The following DOP1B variants were observed in gnomAD, a reference collection of about 807,000 sequenced individuals.
The protein encoded by DOP1B is protein DOP1B.
DOP1B carries 174 observed loss-of-function variants against 233.5 expected under a neutral mutation model. The ratio of observed to expected loss-of-function variants is 0.75; its 90% confidence interval spans 0.66 to 0.85. The LOEUF is 0.85. Ranked by LOEUF, DOP1B falls within the 40% of genes least tolerant of loss-of-function variation. The pLI is 0.00. For synonymous variants in DOP1B, 1,190 were observed against 1,185.6 expected, an observed-to-expected ratio of 1.00 and a Z score of -0.08; for missense variants, 2,652 against 2,846.6, an observed-to-expected ratio of 0.93 and a Z score of 1.56.
chr21:36,212,696 A>G (rs927734568), intron 7 of DOP1B, among the ~76,000 whole-genome samples: 2 of 152,238 alleles, frequency 1.3e-5, no homozygotes, highest in South Asian at 2.1e-4. Context: ...TGAATTTTCT[A>G]AAGTCCCATA....
In DOP1B at chr21:36,164,888, C is replaced by T. The variant is rs751478288; in HGVS notation, c.138+17C>T. 2.6e-6 allele frequency: 4 copies of T among 1,514,918 alleles called. No homozygotes were observed. The South Asian group carries it at 4.2e-5, about 16-fold the overall frequency. 93.8% of individuals were successfully genotyped at this position (1,514,918 alleles called of 1,614,324 possible). A position where few individuals can be genotyped will look rare whatever the true frequency, so the allele number is the denominator to read the frequency against. ...CTCAACAAGGTATGTAGGGTGTATC[C>T]TATTTGGATTGCATGGAGGTGGGGA... On this transcript the variant is annotated intron_variant, in intron 2 of 36. Transcript: ENST00000691173.
At position 36,292,101 on chromosome 21, in the gene DOP1B, C is replaced by A. The variant is rs1412119584; in HGVS notation, c.6516-3C>A. The A allele has an allele frequency of 3.8e-6, 6 of 1,590,668 alleles. No homozygotes were observed. Among genetic ancestry groups the A allele is most frequent in the Non-Finnish European group, 4.3e-6 (5 of 1,173,498 alleles). ...GACCTGACCTTCTGTTTGTTCCCTG[C>A]AGTTATAGGTGGGCATTTATTCCAG... is the stretch of plus-strand genomic sequence containing the variant. On this transcript the variant is annotated splice_region_variant and splice_polypyrimidine_tract_variant and intron_variant, in intron 35 of 36. Transcript: ENST00000691173.
intron 2 of DOP1B, among the ~76,000 whole-genome samples, chr21:36,173,547 G>A (rs1177524703): frequency 1.3e-5 from 2 of 150,676 alleles, no homozygotes; most frequent in African/African-American, 4.9e-5. Flanking sequence ...TCAGCCTCCC[G>A]AGTAGCTGGG....
In DOP1B at chr21:36,245,826, C is replaced by T. The variant is rs754084399; in HGVS notation, c.3846C>T (p.Leu1282=). Residue 1282 remains leucine, a synonymous_variant, in exon 19 of 37, where the codon CTC becomes CTT. Coordinates refer to ENST00000691173, the MANE Select transcript of DOP1B (RefSeq NM_001320714.2). This position sits in a 1 kb window ranked among gnomAD's most constrained non-coding sequence, Gnocchi z 5.5. ...ACCTCAACCTCATCTCCAACCTCCT[C>T]GCTCGCCACCAGGAGGCCCTCATTG... ...TAHLNLISNL[L]ARHQEALIGQ... The T allele has an allele frequency of 1.7e-5, 28 of 1,613,816 alleles. No homozygotes were observed. Among genetic ancestry groups the T allele is most frequent in the South Asian group, 1.1e-4 (10 of 91,078 alleles).
Position 36,213,005 on chromosome 21 carries a change from C to T in DOP1B, c.904+908C>T, listed in dbSNP as rs551976645. Among the ~76,000 whole-genome samples the T allele has an allele frequency of 4.6e-5, 7 of 152,304 alleles. No individual in the cohort carries two copies. In the East Asian group the frequency reaches 1.4e-3, roughly 29 times the overall value. The stretch of plus-strand genomic sequence containing the variant: ...CCCTGTTGGCCAGGCTGATCTTGGA[C>T]TCTTGACCTCAGGTGATCTGCCCAC... On this transcript the variant is annotated intron_variant, in intron 7 of 36. Coordinates refer to ENST00000691173, the MANE Select transcript of DOP1B (RefSeq NM_001320714.2).
intron 4 of DOP1B, among the ~76,000 whole-genome samples, chr21:36,202,675 C>T (rs1288274426): frequency 6.6e-6 from 1 of 152,244 alleles, no homozygotes; most frequent in Non-Finnish European, 1.5e-5. Flanking sequence ...CAAGCTCTCA[C>T]ATAGACCAGG....
intron 27 of DOP1B, among the ~76,000 whole-genome samples, chr21:36,272,649 C>CAAA (rs1048479594): frequency 1.7e-5 from 1 of 58,712 alleles, no homozygotes; most frequent in Non-Finnish European, 3.4e-5. Context: ...AACTCCATCT[C>CAAA]AAAAAAAAAA....
At chr21:36,175,817 A>G (rs192820351) in intron 2 of DOP1B, 1 of 152,764 alleles carries the variant, frequency 6.5e-6, no homozygotes, top group Admixed American at 6.5e-5. Flanking sequence ...AAAGAAAAAG[A>G]AAAAGAACCT....
intron 1 of DOP1B, among the ~76,000 whole-genome samples, chr21:36,161,826 T>C (rs2065871927): frequency 6.6e-6 from 1 of 152,228 alleles, no homozygotes; most frequent in Non-Finnish European, 1.5e-5. Flanking sequence ...GATTTGCCTG[T>C]GGAGGGCATT....
At chr21:36,260,526 G>A in intron 23 of DOP1B, 151 bp from the exon 24 acceptor site, 1 of 954,702 alleles carries the variant, frequency 1.0e-6, no homozygotes, top group Non-Finnish European at 1.6e-6. Context: ...TGTACATGAT[G>A]GGCACTATCA....
intron 1 of DOP1B, among the ~76,000 whole-genome samples, chr21:36,157,800 C>T (rs538679492): frequency 6.6e-6 from 1 of 152,270 alleles, no homozygotes; most frequent in South Asian, 2.1e-4. Context: ...TAGTACATAT[C>T]TGTTATCTGT....
intron 11 of DOP1B, among the ~76,000 whole-genome samples, chr21:36,225,215 G>A (rs138667844): frequency 3.0e-4 from 45 of 151,924 alleles, no homozygotes; most frequent in Middle Eastern, 3.2e-3. Flanking sequence ...TGGACTTACC[G>A]CAGGAAGAAG....
chr21:36,171,765 G>T lies in DOP1B; in HGVS notation c.138+6894G>T, dbSNP rs746580155. 3.9e-4 allele frequency among the ~76,000 whole-genome samples: 60 copies of T among 152,154 alleles called. 1 individual carries two copies. The highest frequency in any genetic ancestry group is 1.5e-5 in the Non-Finnish European group (1 of 68,028). On this transcript the variant is annotated intron_variant, in intron 2 of 36. Coordinates refer to ENST00000691173, the MANE Select transcript of DOP1B (RefSeq NM_001320714.2). The stretch of plus-strand genomic sequence containing the variant: ...TACATTTCTGTTGTTGAAGCCACCT[G>T]GTGTGTGGCACTTCGTTATAGCAGC...
intron 12 of DOP1B, among the ~76,000 whole-genome samples, chr21:36,227,421 C>T (rs1236751593): frequency 6.0e-5 from 9 of 151,082 alleles, no homozygotes; most frequent in East Asian, 2.0e-4. Flanking sequence ...GTGGTGGGCA[C>T]CTGTAGTCCC....
chr21:36,292,802 C>T (rs2067574812), intron 36 of DOP1B, among the ~76,000 whole-genome samples: 2 of 151,988 alleles, frequency 1.3e-5, no homozygotes, highest in South Asian at 4.1e-4. Flanking sequence ...TTAGTAGAGA[C>T]AGGTTTTCGC....
intron 2 of DOP1B, among the ~76,000 whole-genome samples, chr21:36,188,413 G>A (rs2066190947): frequency 6.6e-6 from 1 of 152,144 alleles, no homozygotes; most frequent in African/African-American, 2.4e-5. Context: ...AAAGCAACCG[G>A]GTCATGCCAT....
chr21:36,230,946 G>C lies in DOP1B; in HGVS notation c.2162G>C (p.Ser721Thr), dbSNP rs745756045. 3.1e-6 allele frequency: 5 copies of C among 1,614,176 alleles called. No homozygotes were observed. Among genetic ancestry groups the C allele is most frequent in the Non-Finnish European group, 4.2e-6 (5 of 1,180,032 alleles). ...SSESPSSSPS[S>T]PARKNGGEWD... Reference sequence around the variant, plus strand: ...GAGTCACCATCGTCTTCGCCCAGCAGCCCTGCCAGGAAAAACGGGGGAGAA... The same window carrying C: ...GAGTCACCATCGTCTTCGCCCAGCACCCCTGCCAGGAAAAACGGGGGAGAA... The change falls in exon 14 of 37, where the codon AGC becomes ACC. Residue 721 changes from serine (S) to threonine (T), a missense_variant. Physicochemically the swap from Ser to Thr is moderately conservative, Grantham distance 58. Around this residue, in one of 3 missense-constraint regions of DOP1B, gnomAD observed 2,617 missense variants for 2,794.3 expected, o/e 0.94. Coordinates refer to ENST00000691173, the MANE Select transcript of DOP1B (RefSeq NM_001320714.2).
chr21:36,231,486 C>T (rs889489306), intron 14 of DOP1B, among the ~76,000 whole-genome samples: 7 of 152,120 alleles, frequency 4.6e-5, no homozygotes, highest in Non-Finnish European at 8.8e-5. Flanking sequence ...TTCCCTTCCT[C>T]ATTTGTAATT....
rs183751746 is a variant in DOP1B, at chr21:36,235,130, A to G, written c.2622+2055A>G. Among the ~76,000 whole-genome samples the G allele has an allele frequency of 3.5e-4, 54 of 152,340 alleles. 2 individuals carry two copies. Among genetic ancestry groups the G allele is most frequent in the Admixed American group, 3.0e-3 (46 of 15,294 alleles). On this transcript the variant is annotated intron_variant, in intron 15 of 36. Transcript: ENST00000691173. ...TGTACAGTTCTTGAGAGTTGAGGAC[A>G]GCGGCAGCTAGTGCCTGTCCCTGTT...
Sources: gnomAD v4.1 joint callset for allele counts (sites outside exome capture counted in the v4.1 genomes callset) on GRCh38, gnomAD v4.1.1 for gene constraint, gnomAD v4.1.1 regional missense constraint, Gnocchi (gnomAD v3.1) non-coding constraint, MANE v1.5 for transcripts, NCBI Gene and HGNC (gene_info 2026-07-23, HGNC 2026-07-21) for gene names.